Variants in DHX32 observed in about 807,000 individuals in gnomAD.
The protein encoded by DHX32 is DEAH-box helicase 32 (putative).
A neutral mutation model predicts 70.0 loss-of-function variants in DHX32; 51 were observed. The observed-to-expected ratio is 0.73, with a 90% CI of 0.58 to 0.92. The LOEUF (loss-of-function observed/expected upper bound fraction) is 0.92. Among genes scored for constraint, DHX32 ranks in the 40% least tolerant of loss-of-function variants. DHX32 has a pLI of 0.00. For missense variants in DHX32, 762 were observed against 891.8 expected (o/e 0.85, Z 1.85); for synonymous variants, 310 against 315.3 (o/e 0.98, Z 0.18).
intron 1 of DHX32, among the ~76,000 whole-genome samples, chr10:125,888,179 A>C (rs1944350153): frequency 6.6e-6 from 1 of 151,866 alleles, no homozygotes. Context: ...AATTTGTTTC[A>C]ACATTATCTG....
chr10:125,881,627 T>C (rs117737965), upstream of DHX32, among the ~76,000 whole-genome samples: 1 of 152,296 alleles, frequency 6.6e-6, no homozygotes, highest in Non-Finnish European at 1.5e-5. Context: ...CTTCCATATG[T>C]AGTTATGGTT....
At chr10:125,893,188 C>T (rs1944381338) in intron 1 of DHX32, among the ~76,000 whole-genome samples, 1 of 152,260 alleles carries the variant, frequency 6.6e-6, no homozygotes, top group South Asian at 2.1e-4. Flanking sequence ...GAAAGACTTT[C>T]CAGAAACTGG....
intron 1 of DHX32, among the ~76,000 whole-genome samples, chr10:125,892,875 G>C (rs1489703165): frequency 6.6e-6 from 1 of 152,104 alleles, no homozygotes; most frequent in Non-Finnish European, 1.5e-5. Flanking sequence ...AATAGCTTCT[G>C]GTTTTCCAAA....
In DHX32 at chr10:125,836,506, A is replaced by G. The variant is rs1009884503; in HGVS notation, c.*181T>C. On this transcript the variant is annotated 3_prime_UTR_variant, in exon 11 of 11. Transcript: ENST00000284690. ...AAGAAGAAGAAAAGCATGGAGTAGT[A>G]ATTTAAAGAACTCAATAAAAACTTC... 1.3e-5 allele frequency: 18 copies of G among 1,357,890 alleles called. No individual in the cohort carries two copies. Among genetic ancestry groups the G allele is most frequent in the Middle Eastern group, 2.7e-4 (1 of 3,764 alleles). 84.1% of individuals were successfully genotyped at this position (1,357,890 alleles called of 1,614,324 possible).
At chr10:125,846,361 A>G (rs12356233) in intron 6 of DHX32, among the ~76,000 whole-genome samples, 58,433 of 152,058 alleles carry the variant, frequency 0.38, 11,666 homozygotes, top group Non-Finnish European at 0.45. Context: ...AAAAAAATGC[A>G]TGGGTTTTAA....
intron 3 of DHX32, among the ~76,000 whole-genome samples, chr10:125,859,044 TG>T (rs1184601402): frequency 0.019 from 2,699 of 138,626 alleles, 72 homozygotes; most frequent in East Asian, 0.061. Flanking sequence ...TTTGTTTGTT[TG>T]TTTTTTTTTT....
intron 7 of DHX32, 88 bp downstream of exon 7, chr10:125,841,655 C>T (rs1402852301): frequency 7.2e-6 from 11 of 1,527,702 alleles, no homozygotes; most frequent in South Asian, 1.3e-5. Flanking sequence ...CTCTGTGCTC[C>T]TCAAAATATA....
At chr10:125,853,805 G>T (rs1161217645) in intron 4 of DHX32, 156 bp downstream of exon 4, 1 of 778,480 alleles carries the variant, frequency 1.3e-6, no homozygotes, top group Non-Finnish European at 1.9e-6. Context: ...TTTGTTACTG[G>T]CTGCAATAAT....
intron 1 of DHX32, among the ~76,000 whole-genome samples, chr10:125,890,860 C>G (rs1944366556): frequency 6.6e-6 from 1 of 152,160 alleles, no homozygotes; most frequent in South Asian, 2.1e-4. Context: ...AATTTGAGCC[C>G]AGGAGTTTGA....
Position 125,866,695 on chromosome 10 carries a change from G to C in DHX32, c.476+295C>G, listed in dbSNP as rs534176954. The stretch of plus-strand genomic sequence containing the variant: ...GTGGCTTGCACACAGGCAATGATGT[G>C]GACCCTGCATGAGGCATAGCTCCAG... On this transcript the variant is annotated intron_variant, in intron 2 of 10. Coordinates refer to ENST00000284690, the MANE Select transcript of DHX32 (RefSeq NM_018180.3). The surrounding 1 kb of genome is among the most constrained non-coding windows in gnomAD (Gnocchi z 4.8). Among the ~76,000 whole-genome samples, 2 of 152,338 alleles carry C rather than the reference G, an allele frequency of 1.3e-5. No individual in the cohort carries two copies. Among genetic ancestry groups the C allele is most frequent in the East Asian group, 1.9e-4 (1 of 5,192 alleles).
rs751244294 is a variant in DHX32, at chr10:125,838,981, G to A, written c.1881+20C>T. 9 of 1,608,536 alleles carry A rather than the reference G, an allele frequency of 5.6e-6. No homozygotes were observed. The African/African-American group carries it at 1.2e-4, about 22-fold the overall frequency. On this transcript the variant is annotated intron_variant, in intron 9 of 10. Coordinates refer to ENST00000284690, the MANE Select transcript of DHX32 (RefSeq NM_018180.3). Reference sequence around the variant, plus strand: ...GCAATTCAGCAGAGCCTATGCTGAGGTGACCCCACCCCTTCTCACCTGCAT... The same window carrying A: ...GCAATTCAGCAGAGCCTATGCTGAGATGACCCCACCCCTTCTCACCTGCAT...
chr10:125,895,811 C>G (rs538841134), intron 1 of DHX32, among the ~76,000 whole-genome samples: 9 of 147,056 alleles, frequency 6.1e-5, no homozygotes, highest in Admixed American at 4.7e-4. Flanking sequence ...GATGACGGGG[C>G]AAAGCCGGGC....
At chr10:125,873,437 C>G (rs1421818485) in intron 1 of DHX32, among the ~76,000 whole-genome samples, 1 of 152,098 alleles carries the variant, frequency 6.6e-6, no homozygotes, top group Non-Finnish European at 1.5e-5. Context: ...GGCCTGAGTC[C>G]TCTTCTGCTT....
At chr10:125,879,851 C>A (rs1034926698) in intron 1 of DHX32, among the ~76,000 whole-genome samples, 5 of 152,274 alleles carry the variant, frequency 3.3e-5, no homozygotes, top group Admixed American at 2.0e-4. Flanking sequence ...GCCATGTTGC[C>A]CAGGCTGGTC....
chr10:125,852,586 G>A lies in DHX32; in HGVS notation c.1149C>T (p.Ser383=), dbSNP rs747199233. 1.9e-6 allele frequency: 3 copies of A among 1,613,858 alleles called. No individual in the cohort carries two copies. Among genetic ancestry groups the A allele is most frequent in the South Asian group, 2.2e-5 (2 of 91,026 alleles). The change falls in exon 5 of 11, where the codon AGC becomes AGT. Residue 383 remains serine (S), a synonymous_variant. Transcript: ENST00000284690. ...NSLVMQPISQ[S]QAEIRKQILG... ...GAATCTGCTTGCGTATCTCTGCCTG[G>A]CTCTGGCTGATGGGCTGCATGACGA...
intron 3 of DHX32, among the ~76,000 whole-genome samples, chr10:125,856,775 G>A (rs1013357795): frequency 5.9e-5 from 9 of 151,388 alleles, no homozygotes; most frequent in African/African-American, 1.7e-4. Flanking sequence ...GTTAGACCCC[G>A]TCTCTACCAA....
At chr10:125,838,167 A>T (rs751726587) in intron 10 of DHX32, 39 bp downstream of exon 10, 40 of 1,158,524 alleles carry the variant, frequency 3.5e-5, no homozygotes, top group East Asian at 1.7e-4. Context: ...GGTATGAATT[A>T]AAAAAAAAAT....
intron 1 of DHX32, among the ~76,000 whole-genome samples, chr10:125,872,868 G>C (rs146587546): frequency 2.6e-5 from 4 of 152,344 alleles, no homozygotes; most frequent in Non-Finnish European, 5.9e-5. Context: ...CTGCTGCTAT[G>C]AGAGTAGGTA....
At chr10:125,865,520 A>C (rs1020836592) in intron 2 of DHX32, among the ~76,000 whole-genome samples, 1 of 152,128 alleles carries the variant, frequency 6.6e-6, no homozygotes, top group Non-Finnish European at 1.5e-5. Flanking sequence ...TACAAACCGA[A>C]TGAGCCCCAT....
Sources: allele counts gnomAD v4.1 joint callset (sites outside exome capture counted in the v4.1 genomes callset), GRCh38; gene constraint gnomAD v4.1.1; non-coding constraint Gnocchi (gnomAD v3.1); transcripts MANE v1.5; gene names NCBI Gene and HGNC (gene_info 2026-07-23, HGNC 2026-07-21).